Variants in ACYP2 observed in about 807,000 individuals in gnomAD.
The protein encoded by ACYP2 is acylphosphatase-2.
A neutral mutation model predicts 11.2 loss-of-function variants in ACYP2; 12 were observed. The ratio of observed to expected loss-of-function variants is 1.08; its 90% CI spans 0.69 to 1.74. The LOEUF is 1.74. ACYP2 is among the 40% of genes most tolerant of loss of function. The pLI is 0.00. For synonymous variants in ACYP2, 43 were observed against 32.2 expected (o/e 1.33, Z -1.13); for missense variants, 134 against 101.9 (o/e 1.31, Z -1.35).
chr2:54,091,313 A>C (rs1235438875), intron 4 of ACYP2, among the ~76,000 whole-genome samples: 40 of 152,200 alleles, frequency 2.6e-4, no homozygotes, highest in Admixed American at 2.5e-3. Context: ...AAATAGTAGG[A>C]AATCAATATA....
intron 6 of ACYP2, among the ~76,000 whole-genome samples, chr2:54,153,070 G>C (rs187663496): frequency 6.6e-6 from 1 of 152,100 alleles, no homozygotes; most frequent in Admixed American, 6.5e-5. Context: ...TTCCCCCTAT[G>C]TTTTCTTATA....
chr2:54,146,042 C>A (rs1268236249), intron 6 of ACYP2, among the ~76,000 whole-genome samples: 1 of 152,230 alleles, frequency 6.6e-6, no homozygotes, highest in Non-Finnish European at 1.5e-5. Context: ...TCTCTATAAG[C>A]TTCCGAAGGA....
intron 2 of ACYP2, among the ~76,000 whole-genome samples, chr2:53,981,416 C>G (rs1426319130): frequency 1.3e-5 from 2 of 152,048 alleles, no homozygotes; most frequent in Non-Finnish European, 1.5e-5. Flanking sequence ...TGGTGTACCC[C>G]CTATGTAAGT....
Position 54,114,682 on chromosome 2 carries a change from C to T in ACYP2, c.278-20771C>T, listed in dbSNP as rs1679651983. 3.3e-5 allele frequency among the ~76,000 whole-genome samples: 5 copies of T among 152,176 alleles called. No homozygotes were observed. In the South Asian group the frequency reaches 1.0e-3, roughly 32 times the overall value. On this transcript the variant is annotated intron_variant, in intron 4 of 6. Coordinates refer to ENST00000607452, the MANE Select transcript of ACYP2 (RefSeq NM_001320586.2). The stretch of plus-strand genomic sequence containing the variant: ...CTGGGAGACAAGAGCGAAACTCCGT[C>T]TCAAAACAACAGCAACAAACCCACA...
chr2:54,129,159 C>G (rs935375130), intron 4 of ACYP2, among the ~76,000 whole-genome samples: 15 of 152,188 alleles, frequency 9.9e-5, no homozygotes, highest in African/African-American at 3.6e-4. Context: ...AAATATTATG[C>G]ACACAACCAA....
chr2:53,988,865 G>A (rs1672149458), intron 2 of ACYP2, among the ~76,000 whole-genome samples: 1 of 152,000 alleles, frequency 6.6e-6, no homozygotes, highest in African/African-American at 2.4e-5. Context: ...CCCTGCCTTA[G>A]GCTCCTTAGC....
intron 6 of ACYP2, among the ~76,000 whole-genome samples, chr2:54,230,279 C>G (rs1439511897): frequency 6.6e-6 from 1 of 152,194 alleles, no homozygotes; most frequent in Non-Finnish European, 1.5e-5. Context: ...AACCCCCGCT[C>G]TCTCTGAAGT....
intron 2 of ACYP2, among the ~76,000 whole-genome samples, chr2:54,037,218 T>G (rs796864132): frequency 8.8e-4 from 134 of 152,008 alleles, no homozygotes; most frequent in African/African-American, 2.9e-3. Context: ...GCTCAAGTGA[T>G]CCTCTGGCCT....
In ACYP2 at chr2:54,286,360, A is replaced by G. The variant is rs150214642; in HGVS notation, c.405-18328A>G. Among the ~76,000 whole-genome samples the G allele has an allele frequency of 7.2e-5, 11 of 152,146 alleles. No homozygotes were observed. The East Asian group carries it at 2.1e-3, about 29-fold the overall frequency. ...GAAAAAGATCAAAATTCAACATTTG[A>G]AGTAAGATTTCTACTAAATGTTTAT... On this transcript the variant is annotated intron_variant, in intron 6 of 6. Coordinates refer to ENST00000607452, the MANE Select transcript of ACYP2 (RefSeq NM_001320586.2).
chr2:54,135,832 C>T (rs1041091837), intron 5 of ACYP2, among the ~76,000 whole-genome samples: 2 of 152,294 alleles, frequency 1.3e-5, no homozygotes, highest in African/African-American at 2.4e-5. Context: ...AAACAAAACA[C>T]GCTAATGTTG....
chr2:54,241,557 T>C (rs1686730397), intron 6 of ACYP2, among the ~76,000 whole-genome samples: 1 of 152,222 alleles, frequency 6.6e-6, no homozygotes, highest in South Asian at 2.1e-4. Flanking sequence ...TTTTGCAGTT[T>C]TTTTTTTCTC....
intron 2 of ACYP2, among the ~76,000 whole-genome samples, chr2:54,028,344 A>G (rs925825107): frequency 3.3e-5 from 5 of 152,192 alleles, no homozygotes; most frequent in Non-Finnish European, 7.4e-5. Flanking sequence ...CTCAGAAACC[A>G]ATACTCCAAA....
At chr2:54,217,914 CTTTA>C (rs1391688775) in intron 6 of ACYP2, among the ~76,000 whole-genome samples, 1 of 152,152 alleles carries the variant, frequency 6.6e-6, no homozygotes, top group Non-Finnish European at 1.5e-5. Flanking sequence ...ACATCCAACT[CTTTA>C]TTTATCTTCC....
At chr2:54,129,350 C>T (rs566989886) in intron 4 of ACYP2, among the ~76,000 whole-genome samples, 2 of 151,968 alleles carry the variant, frequency 1.3e-5, no homozygotes, top group Non-Finnish European at 2.9e-5. Flanking sequence ...CCAGGCTGAT[C>T]TCGAACTCCT....
intron 6 of ACYP2, among the ~76,000 whole-genome samples, chr2:54,283,946 C>A (rs752789089): frequency 1.6e-4 from 24 of 152,172 alleles, no homozygotes; most frequent in Admixed American, 4.6e-4. Context: ...GAAACCCCGT[C>A]TCTACTAAAA....
chr2:54,202,706 CTTTTTTTTTTTTTTTTTTTTTTTT>C (rs70944152), intron 6 of ACYP2, among the ~76,000 whole-genome samples: 11 of 43,056 alleles, frequency 2.6e-4, no homozygotes, highest in Admixed American at 1.4e-3. Flanking sequence ...CGGCGCCTGG[CTTTTTTTTTTTTTTTTTTTTTTTT>C]TTTTTTTTTT....
chr2:54,059,898 C>T (rs748142295), intron 4 of ACYP2, among the ~76,000 whole-genome samples: 1 of 152,204 alleles, frequency 6.6e-6, no homozygotes, highest in African/African-American at 2.4e-5. Context: ...GTCTTCTGAA[C>T]TCAGTTGCTA....
intron 6 of ACYP2, among the ~76,000 whole-genome samples, chr2:54,297,275 C>G (rs948212462): frequency 5.4e-5 from 8 of 148,184 alleles, no homozygotes; most frequent in African/African-American, 2.1e-4. Flanking sequence ...GGGAGGATCA[C>G]TTGAGCCCAG....
At chr2:54,168,921 A>G (rs1683118323) in intron 6 of ACYP2, among the ~76,000 whole-genome samples, 1 of 152,236 alleles carries the variant, frequency 6.6e-6, no homozygotes, top group Admixed American at 6.5e-5. Flanking sequence ...CCTATAAAAT[A>G]GACAACTGAG....
Sources: gnomAD v4.1 joint callset for allele counts (sites outside exome capture counted in the v4.1 genomes callset) on GRCh38, gnomAD v4.1.1 for gene constraint, MANE v1.5 for transcripts, NCBI Gene and HGNC (gene_info 2026-07-23, HGNC 2026-07-21) for gene names.